COPS4: variants seen among roughly 807,000 people sequenced by gnomAD.
COPS4 encodes the protein COP9 signalosome complex subunit 4.
A neutral mutation model predicts 55.1 loss-of-function variants in COPS4; 8 were observed. The ratio of observed to expected loss-of-function variants is 0.15; its 90% CI spans 0.09 to 0.26. The LOEUF is 0.26. Among genes scored for constraint, COPS4 ranks in the 10% least tolerant of loss-of-function variants. The pLI is 1.00. For missense variants in COPS4, 248 were observed against 484.0 expected, an observed-to-expected ratio of 0.51 and a Z score of 4.58; for synonymous variants, 185 against 165.7, an observed-to-expected ratio of 1.12 and a Z score of -0.90.
intron 1 of COPS4, among the ~76,000 whole-genome samples, chr4:83,036,426 C>A (rs1244807647): frequency 2.0e-5 from 3 of 152,124 alleles, no homozygotes; most frequent in African/African-American, 4.8e-5. Flanking sequence ...TTTAAGTAGG[C>A]TAGGCTGCCT....
At chr4:83,068,119 G>C in intron 8 of COPS4, among the ~76,000 whole-genome samples, 1 of 152,166 alleles carries the variant, frequency 6.6e-6, no homozygotes, top group East Asian at 1.9e-4. Context: ...AAACTAGTTT[G>C]TTTGGGTTTT....
chr4:83,037,963 A>G (rs1053637814), intron 1 of COPS4, among the ~76,000 whole-genome samples: 1 of 152,278 alleles, frequency 6.6e-6, no homozygotes, highest in African/African-American at 2.4e-5. Flanking sequence ...ATGCTTTCCC[A>G]TAACTGTGAA....
intron 1 of COPS4, among the ~76,000 whole-genome samples, chr4:83,043,892 T>C (rs766308741): frequency 1.3e-5 from 2 of 152,210 alleles, no homozygotes; most frequent in Non-Finnish European, 2.9e-5. Context: ...TTTCTATCCG[T>C]ATATCTGCTT....
At chr4:83,035,560 A>AG (rs1730396319) in intron 1 of COPS4, 1 of 315,536 alleles carries the variant, frequency 3.2e-6, no homozygotes, top group African/African-American at 2.1e-5. Context: ...CTGGTCCCTT[A>AG]GGATTTTGGA....
At chr4:83,063,380 T>C (rs997823167) in intron 7 of COPS4, 134 bp downstream of exon 7, 14 of 634,118 alleles carry the variant, frequency 2.2e-5, no homozygotes, top group Non-Finnish European at 2.8e-5. Flanking sequence ...GAATTGTTTT[T>C]ATTTAAAATT....
At chr4:83,068,363 T>C (rs2868747) in intron 8 of COPS4, 75 bp from the exon 9 acceptor site, 986,156 of 987,348 alleles carry the variant, frequency 1, 492,488 homozygotes, top group East Asian at 1. Flanking sequence ...AACCAGAAGC[T>C]TTCTGTTCTC....
At chr4:83,067,283 C>T (rs995770341) in intron 8 of COPS4, among the ~76,000 whole-genome samples, 1 of 151,712 alleles carries the variant, frequency 6.6e-6, no homozygotes, top group African/African-American at 2.4e-5. Flanking sequence ...GCTCTGTTGC[C>T]CAGGCTGGAG....
intron 1 of COPS4, among the ~76,000 whole-genome samples, chr4:83,039,796 T>C (rs951266729): frequency 6.6e-6 from 1 of 152,144 alleles, no homozygotes; most frequent in African/African-American, 2.4e-5. Context: ...CATGCCTGGC[T>C]AATTTAAAAA....
At chr4:83,057,919 C>CAA (rs960818183) in intron 6 of COPS4, among the ~76,000 whole-genome samples, 11 of 54,174 alleles carry the variant, frequency 2.0e-4, no homozygotes, top group East Asian at 1.6e-3. Flanking sequence ...GACTCTGTCT[C>CAA]AAAAAAAAAA....
intron 4 of COPS4, among the ~76,000 whole-genome samples, chr4:83,054,623 C>T (rs940885598): frequency 3.9e-5 from 6 of 152,258 alleles, no homozygotes; most frequent in Middle Eastern, 3.4e-3. Flanking sequence ...AAAAGCTGGG[C>T]TTTCTTGATT....
intron 8 of COPS4, 59 bp from the exon 9 acceptor site, chr4:83,068,379 A>T: frequency 8.7e-7 from 1 of 1,155,724 alleles, no homozygotes. Flanking sequence ...TTCTCTTTTC[A>T]TATGTGAATA....
chr4:83,070,699 T>C (rs942472681), intron 9 of COPS4, among the ~76,000 whole-genome samples: 1 of 152,216 alleles, frequency 6.6e-6, no homozygotes, highest in African/African-American at 2.4e-5. Flanking sequence ...CTTTCTTTCC[T>C]TCTCATATCT....
intron 9 of COPS4, among the ~76,000 whole-genome samples, chr4:83,074,340 T>G (rs1411528456): frequency 6.6e-6 from 1 of 152,148 alleles, no homozygotes; most frequent in African/African-American, 2.4e-5. Flanking sequence ...TATGTATTTG[T>G]TTTATACCTT....
At chr4:83,051,565 C>T (rs1730890621) in intron 4 of COPS4, among the ~76,000 whole-genome samples, 1 of 152,002 alleles carries the variant, frequency 6.6e-6, no homozygotes, top group Non-Finnish European at 1.5e-5. Flanking sequence ...AAGATAAGCC[C>T]TGATTTTTGG....
intron 2 of COPS4, among the ~76,000 whole-genome samples, chr4:83,048,838 C>T (rs1319553492): frequency 1.3e-5 from 2 of 151,836 alleles, no homozygotes; most frequent in African/African-American, 4.8e-5. Context: ...GTAGAGACAG[C>T]GTTTCACCAC....
At chr4:83,042,197 T>C in intron 1 of COPS4, among the ~76,000 whole-genome samples, 1 of 152,140 alleles carries the variant, frequency 6.6e-6, no homozygotes, top group East Asian at 1.9e-4. Context: ...ATATTAACTT[T>C]TTATTTTTAA....
intron 2 of COPS4, among the ~76,000 whole-genome samples, chr4:83,046,225 A>C (rs886912805): frequency 1.3e-5 from 2 of 152,272 alleles, no homozygotes; most frequent in Non-Finnish European, 2.9e-5. Context: ...AATGCAAATC[A>C]ATGTGGGATG....
chr4:83,065,155 G>T, intron 7 of COPS4: 2 of 560,930 alleles, frequency 3.6e-6, no homozygotes, highest in South Asian at 4.5e-5. Flanking sequence ...GGATGATAGG[G>T]GTAAGCCACT....
chr4:83,074,979 C>T (rs572216343), intron 9 of COPS4, among the ~76,000 whole-genome samples: 5 of 151,764 alleles, frequency 3.3e-5, no homozygotes, highest in Non-Finnish European at 5.9e-5. Context: ...AAATTAGTCA[C>T]GGTGGCAGGT....
Sources: allele counts gnomAD v4.1 joint callset (sites outside exome capture counted in the v4.1 genomes callset), GRCh38; gene constraint gnomAD v4.1.1; transcripts MANE v1.5; gene names NCBI Gene and HGNC (gene_info 2026-07-23, HGNC 2026-07-21).